The following PTPN3 variants were observed in gnomAD, a reference collection of about 807,000 sequenced individuals.
The protein encoded by PTPN3 is protein tyrosine phosphatase non-receptor type 3.
In PTPN3, 96 loss-of-function variants were observed where a neutral mutation model predicts 132.7. The ratio of observed to expected loss-of-function variants is 0.72; its 90% CI spans 0.61 to 0.86. The LOEUF (loss-of-function observed/expected upper bound fraction) is 0.86, where lower values mean the gene tolerates loss of function less well. PTPN3 is among the 40% of genes least tolerant of loss of function. The pLI is 0.00. For synonymous variants in PTPN3, 398 were observed against 429.0 expected, an observed-to-expected ratio of 0.93 and a Z score of 0.89; for missense variants, 1,125 against 1,159.6, an observed-to-expected ratio of 0.97 and a Z score of 0.43.
upstream of PTPN3, among the ~76,000 whole-genome samples, chr9:109,501,497 C>G (rs1243256241): frequency 6.6e-6 from 1 of 152,146 alleles, no homozygotes; most frequent in African/African-American, 2.4e-5. Flanking sequence ...TTTAAATGTT[C>G]TAGTCTCCTG....
At chr9:109,527,329 T>C in the PTPN3 span, among the ~76,000 whole-genome samples, 30 of 152,222 alleles carry the variant, frequency 2.0e-4, no homozygotes, top group African/African-American at 5.1e-4. Flanking sequence ...GGCATAGTGG[T>C]GCACGCCTGT....
chr9:109,469,222 C>G (rs919891962), intron 1 of PTPN3, among the ~76,000 whole-genome samples: 1 of 152,304 alleles, frequency 6.6e-6, no homozygotes, highest in Non-Finnish European at 1.5e-5. Context: ...TGTCTACATT[C>G]GGATCTGGGA....
chr9:109,382,572 G>A, intron 23 of PTPN3, 125 bp from the exon 24 acceptor site: 1 of 1,087,954 alleles, frequency 9.2e-7, no homozygotes, highest in Non-Finnish European at 1.3e-6. Flanking sequence ...GCCCTGCTGT[G>A]GCCCCTAGCA....
At chr9:109,454,668 T>C in intron 4 of PTPN3, 94 bp from the exon 5 acceptor site, 4 of 926,138 alleles carry the variant, frequency 4.3e-6, no homozygotes, top group Non-Finnish European at 6.9e-6. Flanking sequence ...ATTTTTTCAC[T>C]CAACCATAGC....
In PTPN3 at chr9:109,404,597, A is replaced by C. The variant is rs748649101; in HGVS notation, c.1804T>G (p.Phe602Val). 6.5e-7 allele frequency: 1 copy of C among 1,537,294 alleles called. No homozygotes were observed. The highest frequency in any genetic ancestry group is 1.3e-5 in the South Asian group (1 of 76,892). ...LVIRRRAVRS[F>V]ADFKSEDELN... ...TCATCTTCAGACTTGAAGTCAGCAA[A>C]TGAGCGGACAGCTGTAACGTACAAG... is the stretch of plus-strand genomic sequence containing the variant. Residue 602 changes from phenylalanine to valine, a missense_variant, in exon 19 of 26, where the codon TTT becomes GTT. Physicochemically the swap from Phe to Val is conservative, Grantham distance 50. Coordinates refer to ENST00000374541, the MANE Select transcript of PTPN3 (RefSeq NM_002829.4).
chr9:109,389,160 A>G (rs1322360647), intron 22 of PTPN3, 73 bp downstream of exon 22: 2 of 1,556,438 alleles, frequency 1.3e-6, no homozygotes, highest in African/African-American at 2.7e-5. Flanking sequence ...GACCCTTCTC[A>G]GCGCTGAGAT....
chr9:109,430,474 C>T (rs939623311), intron 10 of PTPN3, among the ~76,000 whole-genome samples: 1 of 152,126 alleles, frequency 6.6e-6, no homozygotes, highest in African/African-American at 2.4e-5. Context: ...TATGCACAGA[C>T]ATGAACTCTT....
intron 2 of PTPN3, 64 bp from the exon 3 acceptor site, chr9:109,457,463 ACTGTAGGC>A: frequency 7.7e-7 from 1 of 1,291,692 alleles, no homozygotes; most frequent in Admixed American, 2.0e-5. Context: ...AAACATCTTT[ACTGTAGGC>A]AAAAAAGAGT....
At chr9:109,383,194 TATCCATTCCTCCATCGATGGA>T in intron 23 of PTPN3, 1 of 630,034 alleles carries the variant, frequency 1.6e-6, no homozygotes, top group Non-Finnish European at 2.8e-6. Context: ...ACGTGCTGTT[TATCCATTCCTCCATCGATGGA>T]CACTGGGCTG....
At chr9:109,488,149 T>A in intron 1 of PTPN3, among the ~76,000 whole-genome samples, 1 of 140,050 alleles carries the variant, frequency 7.1e-6, no homozygotes, top group Non-Finnish European at 1.5e-5. Flanking sequence ...CAGGCTGGAG[T>A]GAAGTGGCAT....
chr9:109,463,892 A>G (rs185787023), intron 1 of PTPN3, among the ~76,000 whole-genome samples: 2 of 152,358 alleles, frequency 1.3e-5, no homozygotes, highest in African/African-American at 4.8e-5. Context: ...CATTTAGGGC[A>G]GCAAAAAGGC....
intron 7 of PTPN3, among the ~76,000 whole-genome samples, chr9:109,441,026 C>A (rs1844426688): frequency 6.6e-6 from 1 of 152,168 alleles, no homozygotes; most frequent in Non-Finnish European, 1.5e-5. Context: ...TGCTTTTTAT[C>A]CCCACTAAAC....
rs530222116 is a variant in PTPN3, at chr9:109,376,976, C to G, written c.*2580G>C. The G allele has an allele frequency of 1.3e-5, 2 of 152,196 alleles. No individual in the cohort carries two copies. Among genetic ancestry groups the G allele is most frequent in the African/African-American group, 2.4e-5 (1 of 41,498 alleles). 9.4% of individuals were successfully genotyped at this position (152,196 alleles called of 1,614,324 possible). ...TAGGCTTTTTAGAAATTTATGTGAC[C>G]GTAATGGCTGCATTTCTGCAACCAT... is the stretch of plus-strand genomic sequence containing the variant. On this transcript the variant is annotated 3_prime_UTR_variant, in exon 26 of 26. Coordinates refer to ENST00000374541, the MANE Select transcript of PTPN3 (RefSeq NM_002829.4).
At chr9:109,497,002 G>C (rs761116541) in intron 1 of PTPN3, among the ~76,000 whole-genome samples, 1 of 152,164 alleles carries the variant, frequency 6.6e-6, no homozygotes, top group African/African-American at 2.4e-5. Flanking sequence ...TTTGCAAGAT[G>C]GATCATCTTG....
At chr9:109,484,897 G>A (rs190602353) in intron 1 of PTPN3, among the ~76,000 whole-genome samples, 205 of 152,272 alleles carry the variant, frequency 1.3e-3, no homozygotes, top group Admixed American at 2.3e-3. Flanking sequence ...GCCTACCAGT[G>A]GTTTCCCCAG....
intron 1 of PTPN3, among the ~76,000 whole-genome samples, chr9:109,478,184 G>A (rs987673406): frequency 2.0e-5 from 3 of 152,198 alleles, no homozygotes; most frequent in African/African-American, 7.2e-5. Flanking sequence ...AGGAGAGGGC[G>A]GCTCAGACCA....
chr9:109,504,292 C>T, the PTPN3 span, among the ~76,000 whole-genome samples: 18 of 152,098 alleles, frequency 1.2e-4, no homozygotes, highest in African/African-American at 3.6e-4. Context: ...CCCGTAGGGC[C>T]CTCCCTTCAT....
chr9:109,433,206 C>T, intron 9 of PTPN3, 45 bp from the exon 10 acceptor site: 1 of 1,609,174 alleles, frequency 6.2e-7, no homozygotes, highest in South Asian at 1.1e-5. Flanking sequence ...TACAGTCATG[C>T]TTATGCCCTC....
the PTPN3 span, among the ~76,000 whole-genome samples, chr9:109,506,802 C>T: frequency 8.6e-5 from 13 of 152,042 alleles, no homozygotes; most frequent in Admixed American, 7.9e-4. Context: ...GGGGTTTTGC[C>T]TTTTTGCCCA....
Sources: allele counts gnomAD v4.1 joint callset (sites outside exome capture counted in the v4.1 genomes callset), GRCh38; gene constraint gnomAD v4.1.1; transcripts MANE v1.5; gene names NCBI Gene and HGNC (gene_info 2026-07-23, HGNC 2026-07-21).